Variants in CYFIP2 observed in about 807,000 individuals in gnomAD.
CYFIP2 encodes cytoplasmic FMR1-interacting protein 2.
Under a neutral mutation model 158.7 loss-of-function variants are expected in CYFIP2, and 29 were observed. The ratio of observed to expected loss-of-function variants is 0.18; its 90% CI spans 0.14 to 0.25. The LOEUF is 0.25. Ranked by LOEUF, CYFIP2 falls within the 10% of genes least tolerant of loss-of-function variation. CYFIP2 has a pLI of 1.00. For synonymous variants in CYFIP2, 585 were observed against 617.6 expected, an observed-to-expected ratio of 0.95 and a Z score of 0.78; for missense variants, 852 against 1,639.5, an observed-to-expected ratio of 0.52 and a Z score of 8.29.
At chr5:157,365,785 C>CGT (rs1764310136) in intron 26 of CYFIP2, among the ~76,000 whole-genome samples, 2 of 44,048 alleles carry the variant, frequency 4.5e-5, no homozygotes, top group African/African-American at 1.2e-4. Flanking sequence ...TCCTTTCTGA[C>CGT]CTCTGTCATT....
At chr5:157,319,454 G>T (rs1760414831) in intron 13 of CYFIP2, among the ~76,000 whole-genome samples, 1 of 152,244 alleles carries the variant, frequency 6.6e-6, no homozygotes, top group Non-Finnish European at 1.5e-5. Context: ...GCTGCTATTT[G>T]TCAGCAGTGA....
chr5:157,374,407 G>A (rs1253374216), intron 26 of CYFIP2, among the ~76,000 whole-genome samples: 1 of 152,174 alleles, frequency 6.6e-6, no homozygotes, highest in Non-Finnish European at 1.5e-5. Context: ...TCCCTAGGAT[G>A]TGATGCCCTT....
chr5:157,315,053 C>A lies in CYFIP2; in HGVS notation c.1315C>A (p.Arg439Ser). The change falls in exon 13 of 31, where the codon CGC becomes AGC. Residue 439 changes from arginine to serine, a missense_variant. Around this residue, in one of 8 missense-constraint regions of CYFIP2, gnomAD observed 167 missense variants for 343.3 expected, o/e 0.49. Transcript: ENST00000620254. ...GTAEEYERAT[R>S]YNYTSEEKFA... is the part of the protein sequence containing the mutation. ...CGCGGAGGAATATGAGAGAGCCACACGCTACAATTACACCAGTGAGGAAAA... is the reference window on the plus strand; with the variant it reads ...CGCGGAGGAATATGAGAGAGCCACAAGCTACAATTACACCAGTGAGGAAAA... The A allele has an allele frequency of 6.2e-7, 1 of 1,613,204 alleles. No individual in the cohort carries two copies. Among genetic ancestry groups the A allele is most frequent in the Non-Finnish European group, 8.5e-7 (1 of 1,179,642 alleles).
Position 157,304,176 on chromosome 5 carries a change from G to A in CYFIP2, c.667-62G>A. 1.9e-6 allele frequency: 3 copies of A among 1,554,966 alleles called. No homozygotes were observed. In the South Asian group the frequency reaches 3.5e-5, roughly 18 times the overall value. Reference sequence around the variant, plus strand: ...CCGGCCAGCTGTAGGGCTTCTGCAGGGGTGCAGGTGAGGGCACAGGATACA... The same window carrying A: ...CCGGCCAGCTGTAGGGCTTCTGCAGAGGTGCAGGTGAGGGCACAGGATACA... On this transcript the variant is annotated intron_variant, in intron 7 of 30. Coordinates refer to ENST00000620254, the MANE Select transcript of CYFIP2 (RefSeq NM_001037333.3).
intron 1 of CYFIP2, chr5:157,269,579 A>C (rs917250827): frequency 3.9e-5 from 6 of 152,186 alleles, no homozygotes; most frequent in Non-Finnish European, 8.8e-5. Context: ...AAGCCTGCGG[A>C]TGAGGTAATG....
chr5:157,388,614 T>G (rs1766936199), intron 28 of CYFIP2, among the ~76,000 whole-genome samples: 1 of 152,238 alleles, frequency 6.6e-6, no homozygotes, highest in South Asian at 2.1e-4. Context: ...TAAGTAGAAT[T>G]GTAGTATACA....
intron 22 of CYFIP2, among the ~76,000 whole-genome samples, chr5:157,339,878 A>G (rs557845785): frequency 1.3e-5 from 2 of 152,340 alleles, no homozygotes; most frequent in East Asian, 3.9e-4. Context: ...TCGGGTGGGA[A>G]ATGGTGCTGT....
chr5:157,281,172 TGAGTTGGC>T (rs748454497), intron 1 of CYFIP2, among the ~76,000 whole-genome samples: 1 of 152,202 alleles, frequency 6.6e-6, no homozygotes, highest in Non-Finnish European at 1.5e-5. Flanking sequence ...ATATTTCCTG[TGAGTTGGC>T]GTCAAAGGCT....
chr5:157,383,557 C>T (rs371032310), intron 28 of CYFIP2, 198 bp downstream of exon 28: 3 of 529,372 alleles, frequency 5.7e-6, no homozygotes, highest in African/African-American at 1.9e-5. Flanking sequence ...CTGAGTGTTT[C>T]TTCTGTAGCC....
At chr5:157,287,651 A>G (rs543451514) in intron 3 of CYFIP2, among the ~76,000 whole-genome samples, 5 of 152,294 alleles carry the variant, frequency 3.3e-5, no homozygotes, top group African/African-American at 9.6e-5. Context: ...CAGCACTGCA[A>G]TTTAAAGAAT....
rs562899709 is a variant in CYFIP2, at chr5:157,374,672, C to T, written c.3040-7918C>T. Among the ~76,000 whole-genome samples, 100 of 152,280 alleles carry T rather than the reference C, an allele frequency of 6.6e-4. 1 individual carries two copies. The highest frequency in any genetic ancestry group is 3.5e-3 in the South Asian group (17 of 4,828). On this transcript the variant is annotated intron_variant, in intron 26 of 30. Transcript: ENST00000620254. ...ACCTGGTCAGATGCACAGTCCTGTA[C>T]GGCAAGGCAATGTAGCAAAGCCCAG...
chr5:157,294,521 T>A (rs79987017), intron 3 of CYFIP2, among the ~76,000 whole-genome samples: 1 of 152,232 alleles, frequency 6.6e-6, no homozygotes, highest in East Asian at 1.9e-4. Context: ...GCCATCCATC[T>A]GTTTGGGAAA....
At chr5:157,324,173 C>T (rs757755687) in intron 16 of CYFIP2, 99 bp downstream of exon 16, 70 of 1,382,820 alleles carry the variant, frequency 5.1e-5, no homozygotes, top group Non-Finnish European at 6.2e-5. Context: ...GGGACGTGAC[C>T]GTTGACCCTA....
At chr5:157,303,307 G>T (rs1561707293) in intron 7 of CYFIP2, among the ~76,000 whole-genome samples, 1 of 152,226 alleles carries the variant, frequency 6.6e-6, no homozygotes, top group Non-Finnish European at 1.5e-5. Flanking sequence ...ACTGTTGTGA[G>T]AAATAAATGA....
chr5:157,391,627 G>T (rs984865554), intron 30 of CYFIP2, among the ~76,000 whole-genome samples: 1 of 152,062 alleles, frequency 6.6e-6, no homozygotes, highest in African/African-American at 2.4e-5. Flanking sequence ...CCTTTTTATG[G>T]CTGTATAATA....
chr5:157,372,433 T>G (rs1765079880), intron 26 of CYFIP2, among the ~76,000 whole-genome samples: 1 of 152,194 alleles, frequency 6.6e-6, no homozygotes, highest in Non-Finnish European at 1.5e-5. Flanking sequence ...TCAAATATTT[T>G]ATGTGTTTAG....
intron 15 of CYFIP2, 137 bp from the exon 16 acceptor site, chr5:157,323,784 G>A: frequency 9.2e-7 from 1 of 1,084,664 alleles, no homozygotes; most frequent in Non-Finnish European, 1.3e-6. Flanking sequence ...CCTTAAACTG[G>A]TGCTTCCTTA....
chr5:157,276,565 C>T (rs1756562036), intron 1 of CYFIP2, among the ~76,000 whole-genome samples: 2 of 152,146 alleles, frequency 1.3e-5, no homozygotes, highest in African/African-American at 2.4e-5. Flanking sequence ...TTTCTACCAG[C>T]CAAGCCATTT....
chr5:157,393,206 T>TAAA lies in CYFIP2; in HGVS notation c.*206_*207insAAA. ...CATGCTGGTTTCTCCATAGCATAAATGAAAAAAAAAAAAAAAAAGTAAACA... is the reference window on the plus strand; with the variant it reads ...CATGCTGGTTTCTCCATAGCATAAATAAAGAAAAAAAAAAAAAAAAAGTAAACA... On this transcript the variant is annotated 3_prime_UTR_variant, in exon 31 of 31. Transcript: ENST00000620254. 3.3e-6 allele frequency: 1 copy of TAAA among 304,724 alleles called. No individual in the cohort carries two copies. The highest frequency in any genetic ancestry group is 5.3e-6 in the Non-Finnish European group (1 of 187,100). 18.9% of individuals were successfully genotyped at this position (304,724 alleles called of 1,614,324 possible). A position where few individuals can be genotyped will look rare whatever the true frequency, so the allele number is the denominator to read the frequency against.
Sources: gnomAD v4.1 joint callset for allele counts (sites outside exome capture counted in the v4.1 genomes callset) on GRCh38, gnomAD v4.1.1 for gene constraint, gnomAD v4.1.1 regional missense constraint, MANE v1.5 for transcripts, NCBI Gene and HGNC (gene_info 2026-07-23, HGNC 2026-07-21) for gene names.